The following WWOX variants were observed in gnomAD, a reference collection of about 807,000 sequenced individuals.
WWOX encodes the protein WW domain containing oxidoreductase, also known as WW domain-containing oxidoreductase.
In WWOX, 69 loss-of-function variants were observed where a neutral mutation model predicts 46.2. The ratio of observed to expected loss-of-function variants is 1.49; its 90% confidence interval spans 1.23 to 1.82. The LOEUF (loss-of-function observed/expected upper bound fraction) is 1.82. Among genes scored for constraint, WWOX ranks in the 40% most tolerant of loss-of-function variants. The pLI is 0.00. For synonymous variants in WWOX, 359 were observed against 202.6 expected (o/e 1.77, Z -6.56); for missense variants, 919 against 542.6 (o/e 1.69, Z -6.89).
chr16:78,495,461 G>GTT lies in WWOX; in HGVS notation c.1056+62716_1056+62717dup, dbSNP rs35245820. Among the ~76,000 whole-genome samples the GTT allele has an allele frequency of 9.9e-4, 147 of 148,536 alleles. 1 individual carries two copies. Among genetic ancestry groups the GTT allele is most frequent in the African/African-American group, 3.0e-3 (122 of 40,318 alleles). ...TGGCCAGTAGTAGACTTTTGATAGGGTTTTTTTTCTCAAGGTGTAGATTTG... is the reference window on the plus strand; with the variant it reads ...TGGCCAGTAGTAGACTTTTGATAGGGTTTTTTTTTTCTCAAGGTGTAGATTTG... On this transcript the variant is annotated intron_variant, in intron 8 of 8. Transcript: ENST00000566780.
chr16:79,131,136 C>G (rs2049869912), intron 8 of WWOX, among the ~76,000 whole-genome samples: 1 of 152,154 alleles, frequency 6.6e-6, no homozygotes, highest in African/African-American at 2.4e-5. Flanking sequence ...CCCCTGCCTC[C>G]CGGGCCTTCC....
intron 5 of WWOX, among the ~76,000 whole-genome samples, chr16:78,169,560 T>G (rs138392717): frequency 1.6e-4 from 24 of 152,046 alleles, no homozygotes; most frequent in African/African-American, 5.8e-4. Flanking sequence ...GACCTCGACA[T>G]TCCAGTGTAG....
intron 8 of WWOX, among the ~76,000 whole-genome samples, chr16:79,139,393 T>C (rs919155318): frequency 1.3e-5 from 2 of 152,206 alleles, no homozygotes; most frequent in African/African-American, 4.8e-5. Flanking sequence ...AACTGCCAAG[T>C]GAATTACTGT....
rs1320284128 is a variant in WWOX, at chr16:79,032,352, ATATAT to A, written c.1057-179254_1057-179250del. Among the ~76,000 whole-genome samples the A allele has an allele frequency of 2.1e-5, 3 of 146,268 alleles. No individual in the cohort carries two copies. In the East Asian group the frequency reaches 5.9e-4, roughly 29 times the overall value. ...TATATTATAATGTATGTAATATATA[ATATAT>A]TCTATGTAATATATAATATATTCTA... On this transcript the variant is annotated intron_variant, in intron 8 of 8. Transcript: ENST00000566780.
At chr16:78,822,091 G>A (rs1342407464) in intron 8 of WWOX, among the ~76,000 whole-genome samples, 2 of 152,122 alleles carry the variant, frequency 1.3e-5, no homozygotes, top group African/African-American at 2.4e-5. Context: ...TGGCCAGACT[G>A]ACCTAAACTC....
chr16:78,604,626 C>T (rs1254068996), intron 8 of WWOX, among the ~76,000 whole-genome samples: 1 of 151,376 alleles, frequency 6.6e-6, no homozygotes, highest in East Asian at 1.9e-4. Context: ...TGTTAAATAC[C>T]ATTTCCTTTA....
intron 8 of WWOX, among the ~76,000 whole-genome samples, chr16:78,938,512 T>C (rs2045788584): frequency 6.6e-6 from 1 of 151,606 alleles, no homozygotes; most frequent in South Asian, 2.1e-4. Context: ...GTGGGCCTGT[T>C]TGAGTTGACC....
intron 8 of WWOX, among the ~76,000 whole-genome samples, chr16:78,774,496 TTG>T (rs58003207): frequency 0.013 from 1,976 of 149,488 alleles, 32 homozygotes; most frequent in African/African-American, 0.037. Flanking sequence ...CAGACCCATT[TTG>T]TGTGTGTGTG....
chr16:78,862,496 T>G (rs62036230), intron 8 of WWOX, among the ~76,000 whole-genome samples: 1 of 151,726 alleles, frequency 6.6e-6, no homozygotes, highest in Non-Finnish European at 1.5e-5. Flanking sequence ...ACACACACAT[T>G]TTTCTGTATA....
At chr16:78,551,879 C>G (rs1056451635) in intron 8 of WWOX, 5 of 152,170 alleles carry the variant, frequency 3.3e-5, no homozygotes, top group African/African-American at 1.2e-4. Flanking sequence ...AGTGCCCAAG[C>G]AGGTGTTGTT....
intron 8 of WWOX, chr16:79,106,723 A>C (rs906096263): frequency 6.8e-6 from 1 of 147,446 alleles, no homozygotes; most frequent in Non-Finnish European, 1.5e-5. Flanking sequence ...GCCTCAAGCA[A>C]CTCTCCAGCC....
At chr16:78,680,300 T>C (rs541729042) in intron 8 of WWOX, among the ~76,000 whole-genome samples, 1 of 151,984 alleles carries the variant, frequency 6.6e-6, no homozygotes, top group Non-Finnish European at 1.5e-5. Flanking sequence ...TCCTGGCTAC[T>C]CAGAAGGCTG....
rs373706064 is a variant in WWOX at position 78,972,529 on chromosome 16, G to C, written c.1057-239079G>C. Reference sequence around the variant, plus strand: ...CAAGAGAGGCTCACTGACCATCTCTGGGGGAGGGAGGGTGAAGAGTAGCAA... The same window carrying C: ...CAAGAGAGGCTCACTGACCATCTCTCGGGGAGGGAGGGTGAAGAGTAGCAA... On this transcript the variant is annotated intron_variant, in intron 8 of 8. Transcript: ENST00000566780. Among the ~76,000 whole-genome samples the C allele has an allele frequency of 4.6e-5, 7 of 151,532 alleles. No individual in the cohort carries two copies. In the East Asian group the frequency reaches 9.7e-4, roughly 21 times the overall value.
chr16:78,360,585 CAA>C (rs56382445), intron 5 of WWOX, among the ~76,000 whole-genome samples: 7 of 86,508 alleles, frequency 8.1e-5, no homozygotes, highest in African/African-American at 5.1e-5. Context: ...GACTCTGTCT[CAA>C]AAAAAAAAAA....
chr16:78,101,114 C>G (rs1395033226), intron 1 of WWOX, among the ~76,000 whole-genome samples: 1 of 151,456 alleles, frequency 6.6e-6, no homozygotes, highest in Admixed American at 6.6e-5. Flanking sequence ...GCGGCGCGAT[C>G]TCGGCTCACT....
intron 8 of WWOX, among the ~76,000 whole-genome samples, chr16:78,700,096 A>AT (rs766345232): frequency 1.3e-5 from 2 of 151,080 alleles, no homozygotes; most frequent in African/African-American, 4.9e-5. Flanking sequence ...TCCTAGGGTC[A>AT]TTTTTTTCAA....
At chr16:79,090,888 G>C (rs192315164) in intron 8 of WWOX, among the ~76,000 whole-genome samples, 1 of 152,158 alleles carries the variant, frequency 6.6e-6, no homozygotes, top group Non-Finnish European at 1.5e-5. Flanking sequence ...TTGCCTCCTG[G>C]GTTCAAACAA....
At chr16:79,202,707 A>C (rs774591268) in intron 8 of WWOX, 2 of 152,206 alleles carry the variant, frequency 1.3e-5, no homozygotes, top group Non-Finnish European at 2.9e-5. Flanking sequence ...GTTCAAGTAC[A>C]TGCCTTCATA....
At chr16:78,506,648 G>A (rs2085211736) in intron 8 of WWOX, 1 of 147,648 alleles carries the variant, frequency 6.8e-6, no homozygotes, top group Non-Finnish European at 1.5e-5. Flanking sequence ...TCTGGTCATT[G>A]CTATACTTGA....
Sources: gnomAD v4.1 joint callset for allele counts (sites outside exome capture counted in the v4.1 genomes callset) on GRCh38, gnomAD v4.1.1 for gene constraint, MANE v1.5 for transcripts, NCBI Gene and HGNC (gene_info 2026-07-23, HGNC 2026-07-21) for gene names.